DNAH14: variants seen among roughly 807,000 people sequenced by gnomAD.
The protein encoded by DNAH14 is axonemal beta dynein heavy chain 14.
In DNAH14, 478 loss-of-function variants were observed where a neutral mutation model predicts 520.9. The ratio of observed to expected loss-of-function variants is 0.92; its 90% CI spans 0.85 to 0.99. The LOEUF is 0.99. Among genes scored for constraint, DNAH14 ranks in the 50% least tolerant of loss-of-function variants. The probability of loss-of-function intolerance (pLI) is 0.00; values close to 1 mark genes in which losing one functional copy is unlikely to be tolerated. For synonymous variants in DNAH14, 1,581 were observed against 1,757.2 expected, an observed-to-expected ratio of 0.90 and a Z score of 2.51; for missense variants, 4,831 against 5,234.5, an observed-to-expected ratio of 0.92 and a Z score of 2.38.
At chr1:225,220,937 G>A (rs1299634577) in intron 41 of DNAH14, among the ~76,000 whole-genome samples, 1 of 152,132 alleles carries the variant, frequency 6.6e-6, no homozygotes, top group Non-Finnish European at 1.5e-5. Context: ...AAACAGCATG[G>A]TACTGGTACC....
chr1:225,007,266 T>C, intron 9 of DNAH14, 147 bp from the exon 10 acceptor site: 3 of 475,854 alleles, frequency 6.3e-6, no homozygotes, highest in Non-Finnish European at 9.4e-6. Flanking sequence ...GTGTTTAAAT[T>C]TGAAAAACAT....
chr1:225,064,303 A>T (rs1283719815), intron 17 of DNAH14, among the ~76,000 whole-genome samples: 1 of 152,060 alleles, frequency 6.6e-6, no homozygotes, highest in African/African-American at 2.4e-5. Context: ...GAGAAACTAG[A>T]ATTTTCATAC....
intron 1 of DNAH14, among the ~76,000 whole-genome samples, chr1:224,930,391 C>T (rs1036091973): frequency 6.6e-6 from 1 of 152,080 alleles, no homozygotes; most frequent in African/African-American, 2.4e-5. Context: ...CAGTCATGTG[C>T]CTCATAACAG....
At chr1:224,971,642 T>TG in intron 7 of DNAH14, among the ~76,000 whole-genome samples, 1 of 152,126 alleles carries the variant, frequency 6.6e-6, no homozygotes, top group East Asian at 1.9e-4. Context: ...TGGTCAGAGA[T>TG]GTGGCAGTGA....
intron 23 of DNAH14, among the ~76,000 whole-genome samples, chr1:225,105,375 G>A (rs1030262982): frequency 2.6e-5 from 4 of 152,162 alleles, no homozygotes; most frequent in Non-Finnish European, 5.9e-5. Context: ...GATTTGGGGT[G>A]GAGAGTTCTG....
chr1:225,191,006 T>C (rs1036915838), intron 37 of DNAH14, among the ~76,000 whole-genome samples: 1 of 152,022 alleles, frequency 6.6e-6, no homozygotes, highest in Non-Finnish European at 1.5e-5. Context: ...TGTCACAAAC[T>C]ATATCTTTAT....
At chr1:225,259,064 G>T in intron 45 of DNAH14, 57 bp from the exon 46 acceptor site, 1 of 1,456,810 alleles carries the variant, frequency 6.9e-7, no homozygotes, top group Non-Finnish European at 9.1e-7. Flanking sequence ...ATTTTAATGT[G>T]TTAACATGTA....
At chr1:225,309,280 T>C (rs958522873) in intron 60 of DNAH14, among the ~76,000 whole-genome samples, 1 of 152,192 alleles carries the variant, frequency 6.6e-6, no homozygotes, top group Non-Finnish European at 1.5e-5. Context: ...CTTTTGCTTG[T>C]TATTCACTTG....
rs1393317891 is a variant in DNAH14 at position 225,051,788 on chromosome 1, T to G, written c.2417T>G (p.Leu806Ter). 1 of 1,488,522 alleles carries G rather than the reference T, an allele frequency of 6.7e-7. No homozygotes were observed. The highest frequency in any genetic ancestry group is 1.4e-5 in the African/African-American group (1 of 70,190). The allele number at this position is 1,488,522 out of a possible 1,614,324, so 92.2% of individuals were successfully genotyped here. ...QSVIEKKNKN[L>*]LEVVESSLQQ... is the part of the protein sequence containing the mutation. ...GTAATTGAAAAAAAGAACAAAAATT[T>G]ATTGGAAGTAAGTATTTTGAAAATT... The change falls in exon 17 of 86, where the codon TTA (leucine) becomes TGA (stop). Residue 806 changes from leucine to a stop codon, truncating the protein, a stop_gained. Transcript: ENST00000682510. LOFTEE classifies it high-confidence loss of function.
chr1:225,095,972 T>C (rs551588574), intron 21 of DNAH14, among the ~76,000 whole-genome samples: 1 of 152,282 alleles, frequency 6.6e-6, no homozygotes, highest in African/African-American at 2.4e-5. Context: ...CTTTAATTAA[T>C]TAATTTATTT....
At chr1:225,096,987 G>A in intron 21 of DNAH14, 131 bp from the exon 22 acceptor site, 3 of 765,726 alleles carry the variant, frequency 3.9e-6, no homozygotes, top group Non-Finnish European at 3.8e-6. Flanking sequence ...ATTCATTTAT[G>A]TGACTTTCTA....
At chr1:225,099,700 A>G (rs1328502627) in intron 22 of DNAH14, among the ~76,000 whole-genome samples, 1 of 152,148 alleles carries the variant, frequency 6.6e-6, no homozygotes, top group East Asian at 1.9e-4. Context: ...GAAGTATACT[A>G]CTTAGAGCAG....
rs1158601868 is a variant in DNAH14 at position 225,318,613 on chromosome 1, C to G, written c.9271C>G (p.Pro3091Ala). Residue 3091 changes from proline to alanine, a missense_variant, in exon 61 of 86, where the codon CCA becomes GCA. Coordinates refer to ENST00000682510, the MANE Select transcript of DNAH14 (RefSeq NM_001367479.1). ...KTANELKSVL[P>A]AFDKAIVALN... ...TGCCAATGAACTAAAAAGTGTGCTG[C>G]CAGCCTTTGACAAGGCAATTGTGGC... 16 of 1,548,098 alleles carry G rather than the reference C, an allele frequency of 1.0e-5. No individual in the cohort carries two copies. Among genetic ancestry groups the G allele is most frequent in the Non-Finnish European group, 1.4e-5 (16 of 1,145,214 alleles).
chr1:225,184,793 G>T (rs1346241915), intron 36 of DNAH14, among the ~76,000 whole-genome samples: 4 of 151,380 alleles, frequency 2.6e-5, no homozygotes, highest in Admixed American at 6.6e-5. Flanking sequence ...GAAAAATAAA[G>T]AAAGAAAGAA....
intron 17 of DNAH14, among the ~76,000 whole-genome samples, chr1:225,055,018 A>G (rs539430937): frequency 3.3e-5 from 5 of 151,306 alleles, no homozygotes; most frequent in African/African-American, 9.7e-5. Flanking sequence ...TTTTTGCTGT[A>G]TTGATCAGTT....
intron 8 of DNAH14, among the ~76,000 whole-genome samples, chr1:224,982,147 C>T (rs2125700533): frequency 6.6e-6 from 1 of 152,268 alleles, no homozygotes; most frequent in East Asian, 1.9e-4. Flanking sequence ...AGTACCTGAG[C>T]TTTAATCATT....
chr1:225,337,243 A>C, intron 66 of DNAH14, 23 bp from the exon 67 acceptor site: 1 of 1,523,502 alleles, frequency 6.6e-7, no homozygotes, highest in Non-Finnish European at 8.9e-7. Context: ...AAAATAGTGA[A>C]AGTACTAATA....
chr1:225,235,055 G>A (rs1479245796), intron 42 of DNAH14, among the ~76,000 whole-genome samples: 1 of 152,044 alleles, frequency 6.6e-6, no homozygotes, highest in Non-Finnish European at 1.5e-5. Flanking sequence ...TTGCCTAATT[G>A]CCCTGGCCTG....
intron 81 of DNAH14, among the ~76,000 whole-genome samples, chr1:225,382,733 C>G (rs2095797271): frequency 6.6e-6 from 1 of 151,710 alleles, no homozygotes; most frequent in East Asian, 1.9e-4. Flanking sequence ...AAAAGTCCAC[C>G]CAAAAACTTG....
Sources: gnomAD v4.1 joint callset for allele counts (sites outside exome capture counted in the v4.1 genomes callset) on GRCh38, gnomAD v4.1.1 for gene constraint, MANE v1.5 for transcripts, NCBI Gene and HGNC (gene_info 2026-07-23, HGNC 2026-07-21) for gene names.